Variants in KATNA1 observed in about 807,000 individuals in gnomAD.
KATNA1 encodes the protein katanin catalytic subunit A1, also known as katanin p60 ATPase-containing subunit A1.
Under a neutral mutation model 62.6 loss-of-function variants are expected in KATNA1, and 42 were observed. The ratio of observed to expected loss-of-function variants is 0.67; its 90% CI spans 0.52 to 0.87. The LOEUF is 0.87. Ranked by LOEUF, KATNA1 falls within the 40% of genes least tolerant of loss-of-function variation. The pLI is 0.00. For synonymous variants in KATNA1, 186 were observed against 201.9 expected, an observed-to-expected ratio of 0.92 and a Z score of 0.67; for missense variants, 498 against 612.5, an observed-to-expected ratio of 0.81 and a Z score of 1.97.
intron 4 of KATNA1, among the ~76,000 whole-genome samples, chr6:149,610,803 T>C (rs983063451): frequency 2.6e-5 from 4 of 151,994 alleles, no homozygotes; most frequent in African/African-American, 9.7e-5. Flanking sequence ...CCCAGCACTT[T>C]GGGATCACAC....
chr6:149,628,364 C>G (rs998318247), intron 3 of KATNA1, among the ~76,000 whole-genome samples: 2 of 151,456 alleles, frequency 1.3e-5, no homozygotes, highest in South Asian at 4.2e-4. Context: ...CCGCCTCGAC[C>G]TCCCAAAGTG....
intron 1 of KATNA1, among the ~76,000 whole-genome samples, chr6:149,640,998 G>C (rs534915175): frequency 1.3e-5 from 2 of 152,202 alleles, no homozygotes; most frequent in African/African-American, 4.8e-5. Context: ...AGGCTCCTGA[G>C]TAGCTGGGAT....
At position 149,594,930 on chromosome 6, in the gene KATNA1, C is replaced by A; in HGVS notation, c.*106G>T. ...ATCATAAGGGTTTTTTTAAAAAAATCTTACCATTATGAAAGTTAAAAAAAA... is the reference window on the plus strand; with the variant it reads ...ATCATAAGGGTTTTTTTAAAAAAATATTACCATTATGAAAGTTAAAAAAAA... On this transcript the variant is annotated 3_prime_UTR_variant, in exon 11 of 11. Transcript: ENST00000367411. 1.2e-6 allele frequency: 1 copy of A among 850,218 alleles called. No individual in the cohort carries two copies. Among genetic ancestry groups the A allele is most frequent in the Non-Finnish European group, 1.8e-6 (1 of 571,296 alleles). 52.7% of individuals were successfully genotyped at this position (850,218 alleles called of 1,614,324 possible).
At chr6:149,634,202 G>A (rs1294649248) in intron 2 of KATNA1, among the ~76,000 whole-genome samples, 1 of 151,576 alleles carries the variant, frequency 6.6e-6, no homozygotes, top group Non-Finnish European at 1.5e-5. Context: ...GAACCCAGGA[G>A]GCGGAAGTTG....
In KATNA1 at chr6:149,607,282, T is replaced by C. The variant is rs188341878; in HGVS notation, c.502-2500A>G. 1.1e-4 allele frequency among the ~76,000 whole-genome samples: 17 copies of C among 152,338 alleles called. No individual in the cohort carries two copies. The East Asian group carries it at 3.1e-3, about 28-fold the overall frequency. ...ATTTAATAGGATTTTACTTAATTAGTTGAAGTAGTACAATTTCTTTTAGAT... is the reference window on the plus strand; with the variant it reads ...ATTTAATAGGATTTTACTTAATTAGCTGAAGTAGTACAATTTCTTTTAGAT... On this transcript the variant is annotated intron_variant, in intron 4 of 10. Transcript: ENST00000367411.
At chr6:149,628,978 A>C (rs1779730851) in intron 3 of KATNA1, among the ~76,000 whole-genome samples, 1 of 152,200 alleles carries the variant, frequency 6.6e-6, no homozygotes, top group African/African-American at 2.4e-5. Flanking sequence ...TCAAAGAGGA[A>C]AACTTACCAG....
intron 4 of KATNA1, among the ~76,000 whole-genome samples, chr6:149,618,634 C>CA (rs1333139544): frequency 6.6e-6 from 1 of 152,132 alleles, no homozygotes; most frequent in Non-Finnish European, 1.5e-5. Context: ...TAAAAACAGA[C>CA]ATACAGACCA....
At chr6:149,597,767 C>CTT in intron 8 of KATNA1, 126 bp from the exon 9 acceptor site, 1 of 826,020 alleles carries the variant, frequency 1.2e-6, no homozygotes, top group African/African-American at 1.7e-5. Context: ...TTAATGCCTC[C>CTT]TTAAGACTTA....
chr6:149,596,988 CAAAA>C, intron 10 of KATNA1, 71 bp downstream of exon 10: 1 of 1,524,110 alleles, frequency 6.6e-7, no homozygotes, highest in Non-Finnish European at 9.0e-7. Context: ...GACTGTGTCT[CAAAA>C]AACAAAACCA....
chr6:149,605,906 AGG>A, intron 4 of KATNA1, among the ~76,000 whole-genome samples: 1 of 152,066 alleles, frequency 6.6e-6, no homozygotes, highest in Non-Finnish European at 1.5e-5. Context: ...GTAGGATGAC[AGG>A]TGTGCACCAC....
chr6:149,638,168 C>A (rs1780140206), intron 2 of KATNA1, among the ~76,000 whole-genome samples: 1 of 152,042 alleles, frequency 6.6e-6, no homozygotes, highest in African/African-American at 2.4e-5. Flanking sequence ...AGAATGAAGT[C>A]TTGCTATGTT....
chr6:149,645,041 C>T (rs1283208097), intron 1 of KATNA1, among the ~76,000 whole-genome samples: 1 of 152,122 alleles, frequency 6.6e-6, no homozygotes, highest in African/African-American at 2.4e-5. Context: ...TGAAATTATC[C>T]CAATTTTCAA....
intron 2 of KATNA1, among the ~76,000 whole-genome samples, chr6:149,636,956 A>G (rs1453648764): frequency 6.6e-6 from 1 of 151,574 alleles, no homozygotes; most frequent in African/African-American, 2.4e-5. Context: ...TTATTTTCTT[A>G]ACCTTTTTTT....
At position 149,597,054 on chromosome 6, in the gene KATNA1, A is replaced by ACCTGC; in HGVS notation, c.1277+8_1277+9insGCAGG. 1 of 1,609,508 alleles carries ACCTGC rather than the reference A, an allele frequency of 6.2e-7. No homozygotes were observed. Among genetic ancestry groups the ACCTGC allele is most frequent in the East Asian group, 2.2e-5 (1 of 44,852 alleles). On this transcript the variant is annotated intron_variant, in intron 10 of 10. Coordinates refer to ENST00000367411, the MANE Select transcript of KATNA1 (RefSeq NM_007044.4). ...TTACAAAAACCTATGCTTCCATGAT[A>ACCTGC]ATTCATACCTGCACACGTTGGTAAT... is the stretch of plus-strand genomic sequence containing the variant.
chr6:149,624,852 A>C (rs1379296417), intron 3 of KATNA1, among the ~76,000 whole-genome samples: 1 of 151,014 alleles, frequency 6.6e-6, no homozygotes, highest in Admixed American at 6.7e-5. Context: ...AAGCTATGTA[A>C]AGCTAGGCAC....
At chr6:149,616,308 A>C (rs1779164254) in intron 4 of KATNA1, among the ~76,000 whole-genome samples, 1 of 152,236 alleles carries the variant, frequency 6.6e-6, no homozygotes, top group African/African-American at 2.4e-5. Context: ...ATGCAAATCA[A>C]TACCACAATG....
intron 4 of KATNA1, among the ~76,000 whole-genome samples, chr6:149,619,896 C>T (rs1779326076): frequency 6.6e-6 from 1 of 152,008 alleles, no homozygotes; most frequent in African/African-American, 2.4e-5. Flanking sequence ...TCACAATAGC[C>T]AAGACATGGA....
chr6:149,640,933 C>T (rs1780258810), intron 1 of KATNA1, among the ~76,000 whole-genome samples: 1 of 151,794 alleles, frequency 6.6e-6, no homozygotes, highest in Non-Finnish European at 1.5e-5. Flanking sequence ...TGCAATGGTG[C>T]AATCTCGGCT....
At position 149,611,515 on chromosome 6, in the gene KATNA1, G is replaced by C. The variant is rs79694720; in HGVS notation, c.502-6733C>G. On this transcript the variant is annotated intron_variant, in intron 4 of 10. Transcript: ENST00000367411. ...AAAAGAAAAAAAAAGATATTGATAA[G>C]AGCAAAAAGCAATAAAGTTAAAAAC... 2.4e-3 allele frequency among the ~76,000 whole-genome samples: 344 copies of C among 145,056 alleles called. 2 individuals are homozygous for C. The highest frequency in any genetic ancestry group is 8.2e-3 in the African/African-American group (322 of 39,380).
Sources: allele counts gnomAD v4.1 joint callset (sites outside exome capture counted in the v4.1 genomes callset), GRCh38; gene constraint gnomAD v4.1.1; transcripts MANE v1.5; gene names NCBI Gene and HGNC (gene_info 2026-07-23, HGNC 2026-07-21).